Variants in DTWD2 observed in about 807,000 individuals in gnomAD.
The protein encoded by DTWD2 is DTW motif tRNA-uridine aminocarboxypropyltransferase 2.
In DTWD2, 39 loss-of-function variants were observed where a neutral mutation model predicts 31.8. The ratio of observed to expected loss-of-function variants is 1.22; its 90% CI spans 0.95 to 1.60. The LOEUF (loss-of-function observed/expected upper bound fraction) is 1.60. Ranked by LOEUF, DTWD2 falls within the 40% of genes most tolerant of loss-of-function variation. The pLI is 0.00. For synonymous variants in DTWD2, 180 were observed against 142.8 expected (o/e 1.26, Z -1.86); for missense variants, 515 against 381.5 (o/e 1.35, Z -2.92).
chr5:118,839,181 A>AATG lies in DTWD2; in HGVS notation c.*1735_*1736insCAT, dbSNP rs1165726385. 1 of 151,910 alleles carries AATG rather than the reference A, an allele frequency of 6.6e-6. No homozygotes were observed. Among genetic ancestry groups the AATG allele is most frequent in the Non-Finnish European group, 1.5e-5 (1 of 67,990 alleles). 9.4% of individuals were successfully genotyped at this position (151,910 alleles called of 1,614,324 possible). Reference sequence around the variant, plus strand: ...CATCTCAAATAATAATAATAATAATAATAATGACTAAAAGAAACTCATGAA... The same window carrying AATG: ...CATCTCAAATAATAATAATAATAATAATGATAATGACTAAAAGAAACTCATGAA... On this transcript the variant is annotated 3_prime_UTR_variant, in exon 6 of 6. Transcript: ENST00000510708.
At chr5:118,876,374 G>A (rs557979915) in intron 4 of DTWD2, among the ~76,000 whole-genome samples, 2 of 151,934 alleles carry the variant, frequency 1.3e-5, no homozygotes, top group Non-Finnish European at 2.9e-5. Context: ...AGGAGGCTAA[G>A]ACATGAAAAA....
At chr5:118,911,326 T>C (rs1210275345) in intron 4 of DTWD2, among the ~76,000 whole-genome samples, 1 of 152,208 alleles carries the variant, frequency 6.6e-6, no homozygotes, top group Non-Finnish European at 1.5e-5. Context: ...TTACATCTGT[T>C]AGAATAGCTA....
chr5:118,984,706 T>G (rs956766890), intron 1 of DTWD2, among the ~76,000 whole-genome samples: 2 of 152,224 alleles, frequency 1.3e-5, no homozygotes, highest in African/African-American at 4.8e-5. Context: ...ATGCTCTCCC[T>G]GCTGTTTCTT....
intron 1 of DTWD2, among the ~76,000 whole-genome samples, chr5:118,979,186 C>A (rs1482975748): frequency 6.6e-6 from 1 of 152,040 alleles, no homozygotes; most frequent in African/African-American, 2.4e-5. Flanking sequence ...CACCTGTAGT[C>A]CCAGCTACTC....
chr5:118,943,641 G>A (rs574893347), intron 2 of DTWD2, among the ~76,000 whole-genome samples: 2 of 152,238 alleles, frequency 1.3e-5, no homozygotes, highest in Non-Finnish European at 2.9e-5. Flanking sequence ...TCAAGGCTGA[G>A]GCATGAGAAT....
At chr5:118,944,765 T>C in intron 1 of DTWD2, 116 bp from the exon 2 acceptor site, 1 of 876,770 alleles carries the variant, frequency 1.1e-6, no homozygotes, top group Middle Eastern at 3.7e-4. Context: ...TAAAGCTACA[T>C]TCTTTTCAAA....
Position 118,837,022 on chromosome 5 carries a change from G to T in DTWD2, c.*3895C>A, listed in dbSNP as rs140412367. Reference sequence around the variant, plus strand: ...TAAATATAAAATTGTAAACTGTTAAGACCACTACAGTATCTTTTGTTTAAA... The same window carrying T: ...TAAATATAAAATTGTAAACTGTTAATACCACTACAGTATCTTTTGTTTAAA... On this transcript the variant is annotated 3_prime_UTR_variant, in exon 6 of 6. Transcript: ENST00000510708. Among the ~76,000 whole-genome samples, 212 of 152,230 alleles carry T rather than the reference G, an allele frequency of 1.4e-3. 1 individual carries two copies. Among genetic ancestry groups the T allele is most frequent in the African/African-American group, 4.8e-3 (198 of 41,550 alleles).
At chr5:118,870,282 T>A (rs1373085771) in intron 4 of DTWD2, among the ~76,000 whole-genome samples, 1 of 152,222 alleles carries the variant, frequency 6.6e-6, no homozygotes, top group African/African-American at 2.4e-5. Context: ...ACTGCTTACA[T>A]AATAGTAACG....
At chr5:118,978,016 T>C (rs1246283769) in intron 1 of DTWD2, among the ~76,000 whole-genome samples, 3 of 151,774 alleles carry the variant, frequency 2.0e-5, no homozygotes, top group African/African-American at 7.3e-5. Flanking sequence ...CATAGACCAA[T>C]GGAACAGAAT....
intron 1 of DTWD2, among the ~76,000 whole-genome samples, chr5:118,986,903 A>G (rs1339387752): frequency 6.6e-6 from 1 of 152,236 alleles, no homozygotes; most frequent in Non-Finnish European, 1.5e-5. Context: ...GAAATAAGCA[A>G]AGTGCAGAAA....
chr5:118,904,694 G>A (rs895082720), intron 4 of DTWD2, among the ~76,000 whole-genome samples: 12 of 152,014 alleles, frequency 7.9e-5, no homozygotes, highest in Non-Finnish European at 1.5e-4. Flanking sequence ...CAGACATACA[G>A]AGAAAAAGAG....
At chr5:118,881,492 T>G (rs1266635758) in intron 4 of DTWD2, among the ~76,000 whole-genome samples, 1 of 152,220 alleles carries the variant, frequency 6.6e-6, no homozygotes, top group African/African-American at 2.4e-5. Context: ...AGAACCTCAA[T>G]ATTTCTTTTA....
At chr5:118,964,519 C>G in intron 1 of DTWD2, among the ~76,000 whole-genome samples, 1 of 152,220 alleles carries the variant, frequency 6.6e-6, no homozygotes, top group East Asian at 1.9e-4. Context: ...GCCGCCATCT[C>G]TGCTCACTGC....
Position 118,909,549 on chromosome 5 carries a change from C to A in DTWD2, c.597+18988G>T, listed in dbSNP as rs973719407. 3.9e-5 allele frequency among the ~76,000 whole-genome samples: 6 copies of A among 152,316 alleles called. 1 individual carries two copies. In the South Asian group the frequency reaches 6.2e-4, roughly 16 times the overall value. ...ACCCAGCCCTGGGAACCAGGGCAGC[C>A]ACCCCACACATGTCCACTACCACCC... On this transcript the variant is annotated intron_variant, in intron 4 of 5. Transcript: ENST00000510708.
Position 118,974,272 on chromosome 5 carries a change from G to A in DTWD2, c.218+14022C>T, listed in dbSNP as rs536954920. 178 of 709,882 alleles carry A rather than the reference G, an allele frequency of 2.5e-4. 2 individuals carry two copies. The highest frequency in any genetic ancestry group is 2.4e-3 in the African/African-American group (132 of 55,650). The allele number at this position is 709,882 out of a possible 1,614,324, so 44.0% of individuals were successfully genotyped here. ...GGACAGTGCCACCCGCAGATGACACGCGCTCTCCACCACCCAACCCAAACC... is the reference window on the plus strand; with the variant it reads ...GGACAGTGCCACCCGCAGATGACACACGCTCTCCACCACCCAACCCAAACC... On this transcript the variant is annotated intron_variant, in intron 1 of 5. Coordinates refer to ENST00000510708, the MANE Select transcript of DTWD2 (RefSeq NM_173666.4).
intron 4 of DTWD2, among the ~76,000 whole-genome samples, chr5:118,924,204 T>C (rs1753763298): frequency 6.6e-6 from 1 of 152,228 alleles, no homozygotes; most frequent in Non-Finnish European, 1.5e-5. Context: ...AAGCATGTCA[T>C]ATCCTACTGG....
At position 118,935,506 on chromosome 5, in the gene DTWD2, CTGCT is replaced by C. The variant is rs752089218; in HGVS notation, c.404+3686_404+3689del. On this transcript the variant is annotated intron_variant, in intron 3 of 5. Transcript: ENST00000510708. ...CCAACTAGTATTATTGCAAAATTGA[CTGCT>C]TGCTTGCTTGCTTGCTTGCTCGCTC... Among the ~76,000 whole-genome samples, 171 of 152,186 alleles carry C rather than the reference CTGCT, an allele frequency of 1.1e-3. 1 individual carries two copies. The Middle Eastern group carries it at 0.014, about 12-fold the overall frequency.
intron 4 of DTWD2, among the ~76,000 whole-genome samples, chr5:118,894,747 T>C (rs1290614344): frequency 6.6e-6 from 1 of 152,102 alleles, no homozygotes; most frequent in Non-Finnish European, 1.5e-5. Flanking sequence ...ATACATCACA[T>C]TAACAGAACC....
chr5:118,892,237 T>A (rs1301428358), intron 4 of DTWD2, among the ~76,000 whole-genome samples: 1 of 152,122 alleles, frequency 6.6e-6, no homozygotes. Flanking sequence ...TTGAAAAAAG[T>A]AGTTCACATA....
Sources: allele counts gnomAD v4.1 joint callset (sites outside exome capture counted in the v4.1 genomes callset), GRCh38; gene constraint gnomAD v4.1.1; transcripts MANE v1.5; gene names NCBI Gene and HGNC (gene_info 2026-07-23, HGNC 2026-07-21).